TPPP: variants seen among roughly 807,000 people sequenced by gnomAD.
The protein encoded by TPPP is tubulin polymerization promoting protein, also known as tubulin polymerization-promoting protein.
TPPP carries 6 observed loss-of-function variants against 15.5 expected under a neutral mutation model. The ratio of observed to expected loss-of-function variants is 0.39; its 90% CI spans 0.21 to 0.77. The LOEUF is 0.77. Ranked by LOEUF, TPPP falls within the 30% of genes least tolerant of loss-of-function variation. The pLI is 0.42. For synonymous variants in TPPP, 146 were observed against 133.9 expected (o/e 1.09, Z -0.63); for missense variants, 269 against 307.2 (o/e 0.88, Z 0.93).
At position 666,035 on chromosome 5, in the gene TPPP, C is replaced by G. The variant is rs775980060; in HGVS notation, c.400G>C (p.Glu134Gln). ...AKKRFKDKSS[E>Q]EAVREVHRLI... ...CTGTGCACCTCGCGAACGGCCTCCT[C>G]GCTGCTCTTGTCTTTGAATCGCTTC... The change falls in exon 3 of 4, where the codon GAG becomes CAG. Residue 134 changes from glutamate to glutamine, a missense_variant. Glu to Gln is a conservative substitution (Grantham distance 29). Transcript: ENST00000360578. 6.2e-7 allele frequency: 1 copy of G among 1,611,466 alleles called. No individual in the cohort carries two copies. Among genetic ancestry groups the G allele is most frequent in the Non-Finnish European group, 8.5e-7 (1 of 1,179,612 alleles).
At chr5:697,191 GC>G, upstream of TPPP, among the ~76,000 whole-genome samples, 1 of 151,336 alleles carries the variant, frequency 6.6e-6, no homozygotes, top group Non-Finnish European at 1.5e-5. Flanking sequence ...AGCGACTCTG[GC>G]CCCCCTATCA....
chr5:680,780 G>A (rs533145899), intron 1 of TPPP, among the ~76,000 whole-genome samples: 2 of 152,214 alleles, frequency 1.3e-5, no homozygotes, highest in South Asian at 2.1e-4. Flanking sequence ...ACTGTTCTAG[G>A]TTCTTGTAGT....
Position 668,207 on chromosome 5 carries a change from C to G in TPPP, c.312-2084G>C, listed in dbSNP as rs79129291. ...CGCGTGGGCGCCGTCAGGGAAGTAC[C>G]GACAAGCACACAGAGAGGGGGCCGT... is the stretch of plus-strand genomic sequence containing the variant. On this transcript the variant is annotated intron_variant, in intron 2 of 3. Coordinates refer to ENST00000360578, the MANE Select transcript of TPPP (RefSeq NM_007030.3). Among the ~76,000 whole-genome samples the G allele has an allele frequency of 1.6e-3, 147 of 93,200 alleles. 4 individuals are homozygous for G. Among genetic ancestry groups the G allele is most frequent in the African/African-American group, 5.0e-3 (120 of 24,124 alleles). The allele number at this position is 93,200 out of a possible 152,430, so 61.1% of individuals were successfully genotyped here.
intron 1 of TPPP, among the ~76,000 whole-genome samples, chr5:679,397 G>T (rs1740557251): frequency 8.7e-6 from 1 of 114,710 alleles, no homozygotes; most frequent in Non-Finnish European, 1.9e-5. Context: ...TGGGCCGCGT[G>T]GGGGCAGGAT....
chr5:693,724 T>A (rs1740962466), upstream of TPPP, among the ~76,000 whole-genome samples: 1 of 149,504 alleles, frequency 6.7e-6, no homozygotes, highest in South Asian at 2.1e-4. Flanking sequence ...GCGTTGACGG[T>A]GCGGCGGGGG....
intron 1 of TPPP, among the ~76,000 whole-genome samples, chr5:684,657 G>A (rs1416183206): frequency 2.6e-5 from 4 of 152,116 alleles, no homozygotes; most frequent in Non-Finnish European, 5.9e-5. Context: ...GGAACAAGGT[G>A]GCTCAGGTCC....
rs553359836 is a variant in TPPP, at chr5:664,818, C to T, written c.*284G>A. 1,112 of 416,788 alleles carry T rather than the reference C, an allele frequency of 2.7e-3. 9 individuals are homozygous for T. The highest frequency in any genetic ancestry group is 0.014 in the Middle Eastern group (22 of 1,526). The allele number at this position is 416,788 out of a possible 1,614,324, so 25.8% of individuals were successfully genotyped here. A position where few individuals can be genotyped will look rare whatever the true frequency, so the allele number is the denominator to read the frequency against. ...CCCCTTTGACCTGCAAACCACGTGC[C>T]CAGTGTGGTGTGATCCGCGAGACAC... On this transcript the variant is annotated 3_prime_UTR_variant, in exon 4 of 4. Transcript: ENST00000360578.
In TPPP at chr5:685,002, G is replaced by GC. The variant is rs200272246; in HGVS notation, c.-4-6939dup. Among the ~76,000 whole-genome samples the GC allele has an allele frequency of 4.6e-3, 698 of 152,288 alleles. 4 individuals are homozygous for GC. The highest frequency in any genetic ancestry group is 0.016 in the African/African-American group (656 of 41,552). ...CAGACAGGTGCACACGGCCGGGGCC[G>GC]CCCCAGGACACACGTCCAGAGAGGT... On this transcript the variant is annotated intron_variant, in intron 1 of 3. Transcript: ENST00000360578.
intron 2 of TPPP, chr5:675,943 A>T (rs1740417048): frequency 6.6e-6 from 1 of 152,170 alleles, no homozygotes; most frequent in South Asian, 2.1e-4. Flanking sequence ...TGGCGGGGCC[A>T]CTGGGACTGG....
chr5:677,635 G>C (rs970543804), intron 2 of TPPP, 115 bp downstream of exon 2: 46 of 1,014,476 alleles, frequency 4.5e-5, no homozygotes, highest in Non-Finnish European at 6.1e-5. Context: ...GCGGGGTCTT[G>C]AAGCACAACC....
Position 677,845 on chromosome 5 carries a change from G to T in TPPP, c.216C>A (p.His72Gln), listed in dbSNP as rs780583434. The T allele has an allele frequency of 6.2e-7, 1 of 1,612,514 alleles. No homozygotes were observed. Among genetic ancestry groups the T allele is most frequent in the Non-Finnish European group, 8.5e-7 (1 of 1,179,732 alleles). The stretch of plus-strand genomic sequence containing the variant: ...TGCACAGCTTCGACCAGTTCTTGCC[G>T]TGCATCTCCCTCCCGGTGGCCCTGG... ...GDARATGREM[H>Q]GKNWSKLCKD... Residue 72 changes from histidine (H) to glutamine (Q), a missense_variant, in exon 2 of 4, where the codon CAC becomes CAA. Transcript: ENST00000360578.
intron 1 of TPPP, among the ~76,000 whole-genome samples, chr5:683,580 C>G (rs1023778734): frequency 2.0e-5 from 3 of 152,216 alleles, no homozygotes; most frequent in African/African-American, 7.2e-5. Context: ...AGGAATCCAA[C>G]GTGCTGTGAC....
rs950805596 is a variant in TPPP, at chr5:663,791, C to T, written c.*1311G>A. The T allele has an allele frequency of 1.3e-5, 2 of 152,406 alleles. No individual in the cohort carries two copies. The highest frequency in any genetic ancestry group is 2.9e-5 in the Non-Finnish European group (2 of 68,144). The allele number at this position is 152,406 out of a possible 1,614,324, so 9.4% of individuals were successfully genotyped here. A position where few individuals can be genotyped will look rare whatever the true frequency, so the allele number is the denominator to read the frequency against. ...TTCCCCAGGACTGCCGCAGGCTCAT[C>T]CGCAGGTAGACTCCAGAACCACGGC... is the stretch of plus-strand genomic sequence containing the variant. On this transcript the variant is annotated 3_prime_UTR_variant, in exon 4 of 4. Transcript: ENST00000360578.
chr5:691,891 GC>G (rs1313981490), intron 1 of TPPP, among the ~76,000 whole-genome samples: 5 of 72,604 alleles, frequency 6.9e-5, no homozygotes, highest in Non-Finnish European at 1.2e-4. Context: ...CAAAACAGCA[GC>G]CCCCCAAACC....
intron 2 of TPPP, among the ~76,000 whole-genome samples, chr5:667,952 C>G (rs1431670947): frequency 1.8e-5 from 1 of 56,706 alleles, no homozygotes; most frequent in South Asian, 5.3e-4. Flanking sequence ...GTGTGGGCGC[C>G]GTCAGGGAAG....
chr5:698,544 G>A, the TPPP span, among the ~76,000 whole-genome samples: 1 of 151,972 alleles, frequency 6.6e-6, no homozygotes. Flanking sequence ...ACGGCAAAAG[G>A]CAGATCATAC....
Position 663,206 on chromosome 5 carries a change from G to A in TPPP, c.*1896C>T, listed in dbSNP as rs896376188. 26 of 150,914 alleles carry A rather than the reference G, an allele frequency of 1.7e-4. No individual in the cohort carries two copies. The highest frequency in any genetic ancestry group is 5.6e-4 in the African/African-American group (23 of 41,332). 9.3% of individuals were successfully genotyped at this position (150,914 alleles called of 1,614,324 possible). On this transcript the variant is annotated 3_prime_UTR_variant, in exon 4 of 4. Coordinates refer to ENST00000360578, the MANE Select transcript of TPPP (RefSeq NM_007030.3). Reference sequence around the variant, plus strand: ...GACCGGGCGATTCCGGTGACCGCTCGTCTGTGATCGGGTGATTCCGAACCG... The same window carrying A: ...GACCGGGCGATTCCGGTGACCGCTCATCTGTGATCGGGTGATTCCGAACCG...
intron 2 of TPPP, among the ~76,000 whole-genome samples, chr5:668,416 AGG>A (rs1740038688): frequency 8.1e-6 from 1 of 123,966 alleles, no homozygotes; most frequent in Admixed American, 7.8e-5. Flanking sequence ...GCACACAGAG[AGG>A]GGGCCGCGTG....
At chr5:668,592 G>A (rs892746471) in intron 2 of TPPP, among the ~76,000 whole-genome samples, 22 of 152,252 alleles carry the variant, frequency 1.4e-4, no homozygotes, top group African/African-American at 5.3e-4. Context: ...CGCGGGGTGG[G>A]GGCCTCGTCC....
Sources: allele counts gnomAD v4.1 joint callset (sites outside exome capture counted in the v4.1 genomes callset), GRCh38; gene constraint gnomAD v4.1.1; transcripts MANE v1.5; gene names NCBI Gene and HGNC (gene_info 2026-07-23, HGNC 2026-07-21).